SLC1A1: variants seen among roughly 807,000 people sequenced by gnomAD.
SLC1A1 encodes excitatory amino acid transporter 3.
SLC1A1 carries 43 observed loss-of-function variants against 53.3 expected under a neutral mutation model. The ratio of observed to expected loss-of-function variants is 0.81; its 90% confidence interval spans 0.63 to 1.04. The LOEUF is 1.04. Ranked by LOEUF, SLC1A1 falls within the 50% of genes least tolerant of loss-of-function variation. SLC1A1 has a pLI of 0.00. For missense variants in SLC1A1, 748 were observed against 664.9 expected (o/e 1.12, Z -1.37); for synonymous variants, 307 against 243.2 (o/e 1.26, Z -2.44).
chr9:4,544,785 T>G (rs1156236529), intron 2 of SLC1A1, 78 bp downstream of exon 2: 5 of 1,219,832 alleles, frequency 4.1e-6, no homozygotes, highest in Non-Finnish European at 6.0e-6. Flanking sequence ...ACTAGGTAAT[T>G]TATAAAGGAA....
intron 1 of SLC1A1, among the ~76,000 whole-genome samples, chr9:4,541,791 AG>A: frequency 6.6e-6 from 1 of 152,296 alleles, no homozygotes; most frequent in South Asian, 2.1e-4. Flanking sequence ...TGGCCTTACC[AG>A]GTGGGCCTGG....
intron 2 of SLC1A1, among the ~76,000 whole-genome samples, chr9:4,551,004 G>C (rs1817885582): frequency 6.6e-6 from 1 of 152,192 alleles, no homozygotes; most frequent in Non-Finnish European, 1.5e-5. Flanking sequence ...TGCCCAGCTA[G>C]ACTCTGACAC....
At chr9:4,494,443 C>T (rs189074799) in intron 1 of SLC1A1, among the ~76,000 whole-genome samples, 1 of 152,020 alleles carries the variant, frequency 6.6e-6, no homozygotes, top group East Asian at 1.9e-4. Flanking sequence ...GAAATAAATT[C>T]TCTCATAGTA....
chr9:4,582,164 T>C (rs1217652563), intron 10 of SLC1A1, among the ~76,000 whole-genome samples: 1 of 152,086 alleles, frequency 6.6e-6, no homozygotes, highest in Non-Finnish European at 1.5e-5. Flanking sequence ...AATGATCCAA[T>C]TAAAATAAGG....
intron 10 of SLC1A1, among the ~76,000 whole-genome samples, chr9:4,581,698 A>G (rs1251118685): frequency 3.3e-5 from 5 of 152,246 alleles, no homozygotes; most frequent in Non-Finnish European, 1.5e-5. Flanking sequence ...AAGAGATCCA[A>G]AGGGTTATAG....
At chr9:4,541,883 G>C (rs1333321922) in intron 1 of SLC1A1, among the ~76,000 whole-genome samples, 1 of 152,132 alleles carries the variant, frequency 6.6e-6, no homozygotes. Context: ...TCCAGCCCAA[G>C]GTTCTGACTC....
At chr9:4,532,617 G>C (rs7848305) in intron 1 of SLC1A1, among the ~76,000 whole-genome samples, 1,617 of 152,224 alleles carry the variant, frequency 0.011, 31 homozygotes, top group African/African-American at 0.037. Flanking sequence ...GGGGAGAAAG[G>C]AACCAAGTTG....
intron 1 of SLC1A1, among the ~76,000 whole-genome samples, chr9:4,539,492 C>T (rs1389198138): frequency 6.6e-6 from 1 of 151,838 alleles, no homozygotes; most frequent in Non-Finnish European, 1.5e-5. Context: ...AAACTTTCAT[C>T]TTTGAACTTA....
intron 3 of SLC1A1, among the ~76,000 whole-genome samples, chr9:4,562,735 A>G (rs1819076706): frequency 6.6e-6 from 1 of 152,126 alleles, no homozygotes; most frequent in African/African-American, 2.4e-5. Context: ...TGTCCCTACA[A>G]AGGACATGAA....
intron 1 of SLC1A1, among the ~76,000 whole-genome samples, chr9:4,523,307 T>C (rs1816147327): frequency 6.6e-6 from 1 of 152,144 alleles, no homozygotes; most frequent in African/African-American, 2.4e-5. Context: ...AATTAAGTTA[T>C]TGAGTCACAT....
chr9:4,561,664 G>C, intron 3 of SLC1A1, 123 bp downstream of exon 3: 1 of 752,256 alleles, frequency 1.3e-6, no homozygotes. Context: ...GGCTGATGTG[G>C]GCAGATCCCT....
At chr9:4,496,914 T>A (rs973626738) in intron 1 of SLC1A1, among the ~76,000 whole-genome samples, 3 of 151,756 alleles carry the variant, frequency 2.0e-5, no homozygotes, top group African/African-American at 4.8e-5. Flanking sequence ...ATAATAATAA[T>A]AAATGCAGAA....
intron 1 of SLC1A1, among the ~76,000 whole-genome samples, chr9:4,529,512 G>C (rs76079791): frequency 6.6e-6 from 1 of 152,138 alleles, no homozygotes; most frequent in Non-Finnish European, 1.5e-5. Context: ...TAGTCACACA[G>C]TGTGCCATGA....
chr9:4,512,042 T>A (rs1340932839), intron 1 of SLC1A1, among the ~76,000 whole-genome samples: 1 of 152,162 alleles, frequency 6.6e-6, no homozygotes, highest in Admixed American at 6.5e-5. Flanking sequence ...TATAAAACAC[T>A]GATGAAAGAA....
intron 4 of SLC1A1, among the ~76,000 whole-genome samples, chr9:4,565,251 T>A (rs1819371014): frequency 6.6e-6 from 1 of 152,220 alleles, no homozygotes; most frequent in Non-Finnish European, 1.5e-5. Context: ...CATATTTCAC[T>A]GGTTTACATA....
At chr9:4,505,621 TTTAA>T (rs1820779007) in intron 1 of SLC1A1, among the ~76,000 whole-genome samples, 1 of 152,210 alleles carries the variant, frequency 6.6e-6, no homozygotes, top group Non-Finnish European at 1.5e-5. Context: ...GGAAGACATT[TTTAA>T]TTACTGTGAA....
At chr9:4,533,127 C>T (rs1816539945) in intron 1 of SLC1A1, among the ~76,000 whole-genome samples, 1 of 152,118 alleles carries the variant, frequency 6.6e-6, no homozygotes, top group Non-Finnish European at 1.5e-5. Context: ...TTGTAAAGAC[C>T]AGAGAGGCTA....
chr9:4,531,508 G>T (rs935326288), intron 1 of SLC1A1, among the ~76,000 whole-genome samples: 1 of 152,180 alleles, frequency 6.6e-6, no homozygotes, highest in African/African-American at 2.4e-5. Context: ...GAGACTGGGG[G>T]AGGGGCGCCC....
chr9:4,567,236 T>C (rs996478460), intron 5 of SLC1A1, among the ~76,000 whole-genome samples: 1 of 152,236 alleles, frequency 6.6e-6, no homozygotes, highest in African/African-American at 2.4e-5. Flanking sequence ...TTGATGCTTA[T>C]TAAAGTTGTA....
Sources: allele counts gnomAD v4.1 joint callset (sites outside exome capture counted in the v4.1 genomes callset), GRCh38; gene constraint gnomAD v4.1.1; transcripts MANE v1.5; gene names NCBI Gene and HGNC (gene_info 2026-07-23, HGNC 2026-07-21).